GNA14: variants seen among roughly 807,000 people sequenced by gnomAD.
GNA14 encodes G protein subunit alpha 14, also known as guanine nucleotide-binding protein subunit alpha-14.
A neutral mutation model predicts 42.0 loss-of-function variants in GNA14; 50 were observed. The ratio of observed to expected loss-of-function variants is 1.19; its 90% confidence interval spans 0.95 to 1.51. The LOEUF (loss-of-function observed/expected upper bound fraction) is 1.51, where lower values mean the gene tolerates loss of function less well. Among genes scored for constraint, GNA14 ranks in the 40% most tolerant of loss-of-function variants. The pLI is 0.00. For missense variants in GNA14, 473 were observed against 446.2 expected, an observed-to-expected ratio of 1.06 and a Z score of -0.54; for synonymous variants, 173 against 163.1, an observed-to-expected ratio of 1.06 and a Z score of -0.46.
chr9:77,448,041 G>A (rs1180961142), intron 2 of GNA14, among the ~76,000 whole-genome samples: 1 of 152,180 alleles, frequency 6.6e-6, no homozygotes, highest in Non-Finnish European at 1.5e-5. Context: ...GTAGATCAGG[G>A]TAAACTGCAG....
At position 77,533,552 on chromosome 9, in the gene GNA14, G is replaced by A. The variant is rs1437350382; in HGVS notation, c.125-4299C>T. ...ACTGTCCTTTGTCATAAAATCAGCG[G>A]CAAGCTTCTGGGGAAGGCACCCTGG... On this transcript the variant is annotated intron_variant, in intron 1 of 6. Coordinates refer to ENST00000341700, the MANE Select transcript of GNA14 (RefSeq NM_004297.4). Among the ~76,000 whole-genome samples, 4 of 152,178 alleles carry A rather than the reference G, an allele frequency of 2.6e-5. No homozygotes were observed. In the East Asian group the frequency reaches 7.7e-4, roughly 29 times the overall value.
At chr9:77,636,558 T>A (rs1824187352) in intron 1 of GNA14, among the ~76,000 whole-genome samples, 1 of 152,134 alleles carries the variant, frequency 6.6e-6, no homozygotes, top group Non-Finnish European at 1.5e-5. Context: ...AAACTAGGCA[T>A]CTGCATCTGA....
chr9:77,522,649 C>A (rs1564041932), intron 2 of GNA14, among the ~76,000 whole-genome samples: 1 of 152,258 alleles, frequency 6.6e-6, no homozygotes, highest in East Asian at 1.9e-4. Context: ...CCTGGCTGCC[C>A]AATCAGAATC....
chr9:77,577,204 T>G (rs1823142299), intron 1 of GNA14, among the ~76,000 whole-genome samples: 1 of 152,234 alleles, frequency 6.6e-6, no homozygotes, highest in Non-Finnish European at 1.5e-5. Flanking sequence ...GAATTCATTT[T>G]ACTTACAACC....
chr9:77,472,786 T>A (rs1200826194), intron 2 of GNA14, among the ~76,000 whole-genome samples: 1 of 105,714 alleles, frequency 9.5e-6, no homozygotes, highest in Non-Finnish European at 1.9e-5. Flanking sequence ...AGACATGACA[T>A]GATCTCTCTC....
At chr9:77,543,846 G>C (rs987715898) in intron 1 of GNA14, among the ~76,000 whole-genome samples, 9 of 152,086 alleles carry the variant, frequency 5.9e-5, no homozygotes, top group Admixed American at 6.6e-5. Flanking sequence ...CCATGGAAGA[G>C]GTGTGTACTA....
intron 1 of GNA14, among the ~76,000 whole-genome samples, chr9:77,636,849 A>G (rs972321130): frequency 6.6e-6 from 1 of 152,256 alleles, no homozygotes; most frequent in East Asian, 1.9e-4. Flanking sequence ...AAACATTCAA[A>G]CCGCAGCACA....
intron 1 of GNA14, among the ~76,000 whole-genome samples, chr9:77,562,900 C>G (rs1247550090): frequency 6.6e-6 from 1 of 152,140 alleles, no homozygotes; most frequent in Non-Finnish European, 1.5e-5. Context: ...CTGAATAGAT[C>G]ATCTTCAGAT....
chr9:77,440,654 C>T (rs1475915465), intron 2 of GNA14, among the ~76,000 whole-genome samples: 10 of 152,012 alleles, frequency 6.6e-5, no homozygotes, highest in Admixed American at 6.6e-4. Context: ...TTTGTATTAC[C>T]TCACATGCTT....
chr9:77,619,725 T>C (rs924415058), intron 1 of GNA14, among the ~76,000 whole-genome samples: 1 of 152,182 alleles, frequency 6.6e-6, no homozygotes, highest in Non-Finnish European at 1.5e-5. Context: ...GTCTGGCCTA[T>C]AGTCAGCACT....
intron 1 of GNA14, among the ~76,000 whole-genome samples, chr9:77,584,988 CTTGTT>C (rs1276439389): frequency 6.6e-6 from 1 of 152,118 alleles, no homozygotes; most frequent in African/African-American, 2.4e-5. Flanking sequence ...TTTACTGCAA[CTTGTT>C]TTATCAGCAA....
chr9:77,499,572 C>T (rs541595472), intron 2 of GNA14, among the ~76,000 whole-genome samples: 7 of 152,152 alleles, frequency 4.6e-5, no homozygotes, highest in Non-Finnish European at 4.4e-5. Flanking sequence ...AAAGAATGGC[C>T]GGGCACAGTG....
At chr9:77,634,398 T>G (rs1587855815) in intron 1 of GNA14, among the ~76,000 whole-genome samples, 3 of 122,436 alleles carry the variant, frequency 2.5e-5, no homozygotes, top group East Asian at 2.3e-4. Flanking sequence ...GGCAACAGAG[T>G]GAGACCCTGT....
rs571936987 is a variant in GNA14, at chr9:77,517,824, T to TGA, written c.309+11243_309+11244dup. ...ATTGCCATGCTGCCCAGGCTGGTCT[T>TGA]GAACTCCTGGGCTGAAGCAATCCAC... is the stretch of plus-strand genomic sequence containing the variant. On this transcript the variant is annotated intron_variant, in intron 2 of 6. Coordinates refer to ENST00000341700, the MANE Select transcript of GNA14 (RefSeq NM_004297.4). Among the ~76,000 whole-genome samples, 22 of 151,932 alleles carry TGA rather than the reference T, an allele frequency of 1.4e-4. No individual in the cohort carries two copies. In the South Asian group the frequency reaches 4.6e-3, roughly 32 times the overall value.
At chr9:77,645,706 G>A (rs1166765540) in intron 1 of GNA14, among the ~76,000 whole-genome samples, 1 of 152,132 alleles carries the variant, frequency 6.6e-6, no homozygotes, top group Non-Finnish European at 1.5e-5. Context: ...GGGTAAATGC[G>A]AGAATTTTAC....
chr9:77,477,154 C>T (rs192119750), intron 2 of GNA14, among the ~76,000 whole-genome samples: 170 of 152,068 alleles, frequency 1.1e-3, no homozygotes, highest in Middle Eastern at 3.4e-3. Context: ...GCCAGGAGCT[C>T]GAGACGAGCC....
intron 2 of GNA14, among the ~76,000 whole-genome samples, chr9:77,523,723 G>A (rs1349388210): frequency 3.9e-5 from 6 of 152,206 alleles, no homozygotes; most frequent in Admixed American, 2.0e-4. Context: ...GAGGGGCAGC[G>A]AAGGAGCTAG....
intron 2 of GNA14, among the ~76,000 whole-genome samples, chr9:77,508,589 A>G (rs1254399399): frequency 2.6e-5 from 4 of 152,186 alleles, no homozygotes; most frequent in Non-Finnish European, 5.9e-5. Context: ...GCGTGAGTGT[A>G]TGTTTATGTT....
intron 1 of GNA14, among the ~76,000 whole-genome samples, chr9:77,619,080 G>C (rs1823881203): frequency 6.6e-6 from 1 of 152,050 alleles, no homozygotes; most frequent in South Asian, 2.1e-4. Context: ...CCATTGGACA[G>C]CCCTGGTTTG....
Sources: allele counts gnomAD v4.1 joint callset (sites outside exome capture counted in the v4.1 genomes callset), GRCh38; gene constraint gnomAD v4.1.1; transcripts MANE v1.5; gene names NCBI Gene and HGNC (gene_info 2026-07-23, HGNC 2026-07-21).